The following SPATS2 variants were observed in gnomAD, a reference collection of about 807,000 sequenced individuals.
SPATS2 encodes spermatogenesis associated serine rich 2, also known as spermatogenesis-associated serine-rich protein 2.
A neutral mutation model predicts 63.7 loss-of-function variants in SPATS2; 38 were observed. That is an observed-to-expected ratio of 0.60 (90% CI 0.46 to 0.78). The LOEUF is 0.78. Among genes scored for constraint, SPATS2 ranks in the 30% least tolerant of loss-of-function variants. The probability of loss-of-function intolerance (pLI) is 0.00; values close to 1 mark genes in which losing one functional copy is unlikely to be tolerated. For synonymous variants in SPATS2, 207 were observed against 232.9 expected (o/e 0.89, Z 1.01); for missense variants, 588 against 666.2 (o/e 0.88, Z 1.29).
intron 2 of SPATS2, among the ~76,000 whole-genome samples, chr12:49,410,196 C>T (rs1409953228): frequency 1.3e-5 from 2 of 152,034 alleles, no homozygotes; most frequent in African/African-American, 2.4e-5. Flanking sequence ...CTGCCTCAGC[C>T]TCCTGAGTAG....
intron 3 of SPATS2, chr12:49,462,476 A>C: frequency 1.4e-6 from 1 of 701,014 alleles, no homozygotes; most frequent in Non-Finnish European, 2.6e-6. Context: ...CTTAAGTGTT[A>C]ACAGCTCAGT....
intron 2 of SPATS2, chr12:49,390,141 T>C (rs1944395101): frequency 2.6e-6 from 4 of 1,544,018 alleles, no homozygotes; most frequent in Middle Eastern, 2.4e-4. Context: ...TGACCAACAG[T>C]GACTTGAGTC....
intron 2 of SPATS2, among the ~76,000 whole-genome samples, chr12:49,450,268 G>C (rs1440422565): frequency 6.7e-6 from 1 of 148,232 alleles, no homozygotes; most frequent in African/African-American, 2.5e-5. Context: ...TTATTTTTTT[G>C]AGATGGAGTC....
intron 2 of SPATS2, among the ~76,000 whole-genome samples, chr12:49,448,712 CA>C (rs780015868): frequency 4.2e-3 from 247 of 58,328 alleles, no homozygotes; most frequent in Middle Eastern, 0.022. Flanking sequence ...GACCCTGTCT[CA>C]AAAAAAAAAA....
chr12:49,456,323 C>T (rs753167661), intron 2 of SPATS2, among the ~76,000 whole-genome samples: 5 of 152,116 alleles, frequency 3.3e-5, no homozygotes, highest in Non-Finnish European at 5.9e-5. Flanking sequence ...ATGTAGATAA[C>T]TGTGGGAAAT....
chr12:49,518,798 T>G (rs1946890607), intron 10 of SPATS2, among the ~76,000 whole-genome samples: 1 of 152,272 alleles, frequency 6.6e-6, no homozygotes, highest in African/African-American at 2.4e-5. Flanking sequence ...ATATTTCCTT[T>G]TTAATTTATA....
At chr12:49,379,102 A>C (rs1944162608) in intron 2 of SPATS2, among the ~76,000 whole-genome samples, 1 of 150,274 alleles carries the variant, frequency 6.7e-6, no homozygotes, top group South Asian at 2.1e-4. Flanking sequence ...AAATATTTTT[A>C]GTAGAGACAG....
At chr12:49,414,935 C>CTTTTTTTTTTTTTTTTTTTTT (rs199648430) in intron 2 of SPATS2, among the ~76,000 whole-genome samples, 2 of 135,912 alleles carry the variant, frequency 1.5e-5, no homozygotes, top group African/African-American at 5.8e-5. Context: ...TTTTCTTTTT[C>CTTTTTTTTTTTTTTTTTTTTT]TTTTCTTTTT....
chr12:49,414,185 A>G (rs1944846352), intron 2 of SPATS2, among the ~76,000 whole-genome samples: 1 of 152,270 alleles, frequency 6.6e-6, no homozygotes, highest in South Asian at 2.1e-4. Flanking sequence ...AATTCTCTTT[A>G]AAACTTAGTA....
In SPATS2 at chr12:49,399,155, C is replaced by A. The variant is rs1944562800; in HGVS notation, c.-244+27865C>A. Among the ~76,000 whole-genome samples, 3 of 148,658 alleles carry A rather than the reference C, an allele frequency of 2.0e-5. No individual in the cohort carries two copies. In the Admixed American group the frequency reaches 2.0e-4, roughly 10 times the overall value. ...TTTTTTTCTCAAAGAGCATATAATT[C>A]TTTTTTTTTTCCTTTGGTTTTCAGG... On this transcript the variant is annotated intron_variant, in intron 2 of 13. Transcript: ENST00000552918.
At chr12:49,437,539 A>C (rs569592352) in intron 2 of SPATS2, among the ~76,000 whole-genome samples, 1 of 152,280 alleles carries the variant, frequency 6.6e-6, no homozygotes, top group East Asian at 1.9e-4. Context: ...CCTGGGCACC[A>C]TTGAGCACTG....
chr12:49,500,447 A>T (rs931512581), intron 9 of SPATS2, among the ~76,000 whole-genome samples: 3 of 152,156 alleles, frequency 2.0e-5, no homozygotes, highest in African/African-American at 2.4e-5. Context: ...TTGGAAAGGG[A>T]CACATAATTA....
rs1489714061 is a variant in SPATS2, at chr12:49,527,244, C to T, written c.*989C>T. Reference sequence around the variant, plus strand: ...TCAGTCTCAAAAAAAAAAAAAAAAGCATTTTTCTGTTTTAATGTTTGGAGA... The same window carrying T: ...TCAGTCTCAAAAAAAAAAAAAAAAGTATTTTTCTGTTTTAATGTTTGGAGA... On this transcript the variant is annotated 3_prime_UTR_variant, in exon 14 of 14. Transcript: ENST00000552918. 2.0e-5 allele frequency: 3 copies of T among 148,554 alleles called. No individual in the cohort carries two copies. The highest frequency in any genetic ancestry group is 2.5e-5 in the African/African-American group (1 of 39,818). The allele number at this position is 148,554 out of a possible 1,614,324, so 9.2% of individuals were successfully genotyped here. A position where few individuals can be genotyped will look rare whatever the true frequency, so the allele number is the denominator to read the frequency against.
chr12:49,430,378 A>G (rs1945164957), intron 2 of SPATS2, among the ~76,000 whole-genome samples: 1 of 152,036 alleles, frequency 6.6e-6, no homozygotes, highest in Non-Finnish European at 1.5e-5. Flanking sequence ...CCGGGATTAC[A>G]GGCGTGACCC....
chr12:49,508,466 C>G (rs553963668), intron 9 of SPATS2, among the ~76,000 whole-genome samples: 53 of 152,354 alleles, frequency 3.5e-4, no homozygotes, highest in Non-Finnish European at 6.8e-4. Context: ...ATCCGCCTGC[C>G]TTGGCCTCCC....
intron 3 of SPATS2, chr12:49,462,954 G>T (rs139734243): frequency 6.5e-6 from 1 of 153,332 alleles, no homozygotes; most frequent in Non-Finnish European, 1.5e-5. Context: ...TCTCACATTG[G>T]GCCAAGGTTT....
intron 5 of SPATS2, 126 bp downstream of exon 5, chr12:49,489,699 T>C (rs2137873671): frequency 4.4e-6 from 3 of 689,402 alleles, no homozygotes; most frequent in Non-Finnish European, 4.7e-6. Flanking sequence ...AAACATAACA[T>C]ACCATGACAT....
At chr12:49,376,372 G>A (rs933489502) in intron 2 of SPATS2, among the ~76,000 whole-genome samples, 1 of 151,688 alleles carries the variant, frequency 6.6e-6, no homozygotes, top group African/African-American at 2.4e-5. Flanking sequence ...CAAAGTGCTG[G>A]GATTACAGGC....
chr12:49,390,196 G>T, intron 2 of SPATS2: 1 of 1,259,498 alleles, frequency 7.9e-7, no homozygotes, highest in South Asian at 1.3e-5. Context: ...CTTCTTACAT[G>T]GCTCCCAGTG....
Sources: gnomAD v4.1 joint callset for allele counts (sites outside exome capture counted in the v4.1 genomes callset) on GRCh38, gnomAD v4.1.1 for gene constraint, MANE v1.5 for transcripts, NCBI Gene and HGNC (gene_info 2026-07-23, HGNC 2026-07-21) for gene names.